The following CHL1 variants were observed in gnomAD, a reference collection of about 807,000 sequenced individuals.
CHL1 encodes neural cell adhesion molecule L1-like protein.
A neutral mutation model predicts 141.9 loss-of-function variants in CHL1; 96 were observed. The observed-to-expected ratio is 0.68, with a 90% CI of 0.57 to 0.80. The LOEUF (loss-of-function observed/expected upper bound fraction) is 0.80, where lower values mean the gene tolerates loss of function less well. CHL1 is among the 30% of genes least tolerant of loss of function. The pLI, the probability that CHL1 is intolerant of heterozygous loss-of-function variation, is 0.00. For missense variants in CHL1, 1,820 were observed against 1,457.2 expected (o/e 1.25, Z -4.05); for synonymous variants, 613 against 502.2 (o/e 1.22, Z -2.95).
At chr3:252,111 C>A (rs1198876774) in intron 2 of CHL1, among the ~76,000 whole-genome samples, 1 of 151,646 alleles carries the variant, frequency 6.6e-6, no homozygotes, top group Admixed American at 6.6e-5. Context: ...ATAGAATAAT[C>A]TTTTGAAGAT....
intron 2 of CHL1, among the ~76,000 whole-genome samples, chr3:272,100 A>C (rs1695686011): frequency 6.6e-6 from 1 of 152,210 alleles, no homozygotes; most frequent in South Asian, 2.1e-4. Flanking sequence ...TAATCTTACC[A>C]GTTGCTATCA....
chr3:219,059 G>A (rs1010733298), intron 1 of CHL1, among the ~76,000 whole-genome samples: 5 of 135,692 alleles, frequency 3.7e-5, no homozygotes, highest in Non-Finnish European at 5.0e-5. Flanking sequence ...TGAGGCAGGA[G>A]AATGGCATGA....
intron 5 of CHL1, among the ~76,000 whole-genome samples, chr3:332,469 T>C (rs1033572238): frequency 2.6e-5 from 4 of 152,200 alleles, no homozygotes; most frequent in African/African-American, 9.6e-5. Context: ...GATATTCCTA[T>C]TTTGTAAAAT....
chr3:277,196 T>A (rs1696218450), intron 2 of CHL1, among the ~76,000 whole-genome samples: 2 of 152,154 alleles, frequency 1.3e-5, no homozygotes, highest in South Asian at 4.1e-4. Flanking sequence ...TGCTTATAGA[T>A]TTTTTTTAAA....
At chr3:398,429 G>A in intron 25 of CHL1, 44 bp downstream of exon 25, 1 of 1,328,840 alleles carries the variant, frequency 7.5e-7, no homozygotes, top group Non-Finnish European at 1.1e-6. Flanking sequence ...GTCAATCTAT[G>A]TCCTGTAGAA....
At chr3:387,156 G>A (rs9826613) in intron 19 of CHL1, among the ~76,000 whole-genome samples, 145,878 of 152,330 alleles carry the variant, frequency 0.96, 69,937 homozygotes, top group East Asian at 1. Context: ...TGTTGGACGT[G>A]CAAGCTCTTT....
Position 398,398 on chromosome 3 carries a change from A to T in CHL1, c.3253+13A>T, listed in dbSNP as rs777710910. 6.4e-7 allele frequency: 1 copy of T among 1,569,336 alleles called. No individual in the cohort carries two copies. The highest frequency in any genetic ancestry group is 8.8e-7 in the Non-Finnish European group (1 of 1,140,554). On this transcript the variant is annotated intron_variant, in intron 25 of 27. Coordinates refer to ENST00000256509, the MANE Select transcript of CHL1 (RefSeq NM_006614.4). ...ACAAGAGGGAGAGGTGAGAAATGAG[A>T]TTATATTTGGGGAAGTCTTAGTCAA...
At chr3:379,295 G>T (rs1706735286) in intron 16 of CHL1, among the ~76,000 whole-genome samples, 1 of 152,128 alleles carries the variant, frequency 6.6e-6, no homozygotes, top group Non-Finnish European at 1.5e-5. Context: ...TAAAATAAAA[G>T]AACAGTTTCC....
intron 10 of CHL1, among the ~76,000 whole-genome samples, 156 bp downstream of exon 10, chr3:349,699 G>A (rs929779267): frequency 5.3e-5 from 8 of 152,144 alleles, no homozygotes; most frequent in Non-Finnish European, 8.8e-5. Context: ...CTTCAACTAA[G>A]CAGGTTTGTC....
chr3:399,161 C>T lies in CHL1; in HGVS notation c.3385+13C>T. 1 of 1,599,624 alleles carries T rather than the reference C, an allele frequency of 6.3e-7. No homozygotes were observed. Among genetic ancestry groups the T allele is most frequent in the South Asian group, 1.1e-5 (1 of 89,494 alleles). On this transcript the variant is annotated intron_variant, in intron 26 of 27. Transcript: ENST00000256509. ...GGAAAGTACTCAGGTAAAATTGTTT[C>T]TTAATGTGATTTTCAACTTATTAAA...
At chr3:248,904 C>A (rs1275284382) in intron 2 of CHL1, among the ~76,000 whole-genome samples, 1 of 152,166 alleles carries the variant, frequency 6.6e-6, no homozygotes, top group East Asian at 1.9e-4. Flanking sequence ...AGCAACATGA[C>A]AGACTGCACA....
chr3:343,275 A>G (rs1702485453), intron 8 of CHL1, among the ~76,000 whole-genome samples: 1 of 152,200 alleles, frequency 6.6e-6, no homozygotes, highest in Non-Finnish European at 1.5e-5. Flanking sequence ...GAATAGACAG[A>G]TAGAGATATT....
Position 361,737 on chromosome 3 carries a change from T to A in CHL1, c.1345T>A (p.Tyr449Asn). Residue 449 changes from tyrosine to asparagine, a missense_variant, in exon 13 of 28, where the codon TAC (tyrosine) becomes AAC (asparagine). By Grantham distance (143) the Tyr-to-Asn change is moderately radical (BLOSUM62 -2). Transcript: ENST00000256509. ...GATACAAACCAAAGATGGAGAAAAT[T>A]ACGCTACAGTGGTTGGGTACAGTGC... ...PLIQTKDGEN[Y>N]ATVVGYSAFL... 6.2e-7 allele frequency: 1 copy of A among 1,613,616 alleles called. No homozygotes were observed. The highest frequency in any genetic ancestry group is 8.5e-7 in the Non-Finnish European group (1 of 1,179,578).
At chr3:394,026 T>G (rs115719193) in intron 23 of CHL1, among the ~76,000 whole-genome samples, 2 of 152,210 alleles carry the variant, frequency 1.3e-5, no homozygotes, top group Non-Finnish European at 2.9e-5. Flanking sequence ...ATTGTTACAG[T>G]AATCTTATAA....
At chr3:280,346 C>G (rs1292607187) in intron 2 of CHL1, among the ~76,000 whole-genome samples, 4 of 151,580 alleles carry the variant, frequency 2.6e-5, no homozygotes, top group Non-Finnish European at 5.9e-5. Flanking sequence ...CAAAGTATGT[C>G]AAGAAAATTG....
chr3:249,881 GA>G (rs1451928311), intron 2 of CHL1, among the ~76,000 whole-genome samples: 1 of 151,756 alleles, frequency 6.6e-6, no homozygotes, highest in Non-Finnish European at 1.5e-5. Context: ...ATATGGGGAG[GA>G]AAAAATCCTG....
intron 2 of CHL1, among the ~76,000 whole-genome samples, chr3:291,535 C>G (rs1483627020): frequency 1.3e-5 from 2 of 151,114 alleles, no homozygotes; most frequent in Non-Finnish European, 2.9e-5. Context: ...ACTTGGCTTT[C>G]CAATAATAGT....
intron 1 of CHL1, among the ~76,000 whole-genome samples, chr3:224,747 T>C (rs1388597122): frequency 1.3e-5 from 2 of 152,242 alleles, no homozygotes; most frequent in Non-Finnish European, 1.5e-5. Flanking sequence ...AAGAATGGCC[T>C]AATACATTTA....
At chr3:244,386 G>C (rs914707952) in intron 1 of CHL1, among the ~76,000 whole-genome samples, 2 of 152,116 alleles carry the variant, frequency 1.3e-5, no homozygotes, top group Non-Finnish European at 2.9e-5. Context: ...GCTGCTTTTT[G>C]CATGCCTGCC....
Sources: gnomAD v4.1 joint callset for allele counts (sites outside exome capture counted in the v4.1 genomes callset) on GRCh38, gnomAD v4.1.1 for gene constraint, MANE v1.5 for transcripts, NCBI Gene and HGNC (gene_info 2026-07-23, HGNC 2026-07-21) for gene names.